The following ADAM22 variants were observed in gnomAD, a reference collection of about 807,000 sequenced individuals.
The protein encoded by ADAM22 is ADAM metallopeptidase domain 22, also known as disintegrin and metalloproteinase domain-containing protein 22.
A neutral mutation model predicts 144.6 loss-of-function variants in ADAM22; 65 were observed. The ratio of observed to expected loss-of-function variants is 0.45; its 90% CI spans 0.37 to 0.55. ADAM22 has a LOEUF of 0.55. ADAM22 is among the 20% of genes least tolerant of loss of function. ADAM22 has a pLI of 0.00. For missense variants in ADAM22, 974 were observed against 1,184.9 expected, an observed-to-expected ratio of 0.82 and a Z score of 2.61; for synonymous variants, 391 against 412.6, an observed-to-expected ratio of 0.95 and a Z score of 0.63.
chr7:88,117,643 G>A, intron 7 of ADAM22, among the ~76,000 whole-genome samples: 1 of 151,668 alleles, frequency 6.6e-6, no homozygotes. Flanking sequence ...AAGATATCTG[G>A]ATATCTGGTA....
intron 17 of ADAM22, among the ~76,000 whole-genome samples, chr7:88,146,930 A>G (rs549254402): frequency 2.7e-4 from 41 of 152,166 alleles, no homozygotes; most frequent in Non-Finnish European, 5.0e-4. Flanking sequence ...ACATTCTTTG[A>G]TTTTGGCTAC....
intron 30 of ADAM22, among the ~76,000 whole-genome samples, chr7:88,187,815 T>C (rs1188573428): frequency 6.6e-6 from 1 of 152,144 alleles, no homozygotes. Flanking sequence ...TTTGAGAAAA[T>C]GATTAGACCT....
chr7:88,195,746 T>G (rs1447405099), intron 31 of ADAM22, among the ~76,000 whole-genome samples: 1 of 152,062 alleles, frequency 6.6e-6, no homozygotes, highest in Non-Finnish European at 1.5e-5. Context: ...CTCGATCTCC[T>G]GACCTCGTGA....
chr7:87,970,283 CT>C (rs995094999), intron 2 of ADAM22, among the ~76,000 whole-genome samples: 2 of 152,036 alleles, frequency 1.3e-5, no homozygotes, highest in Non-Finnish European at 2.9e-5. Context: ...AGATGTTAGA[CT>C]TCCAAGAATT....
intron 3 of ADAM22, among the ~76,000 whole-genome samples, chr7:88,059,925 A>G (rs1054738494): frequency 2.6e-5 from 4 of 152,052 alleles, no homozygotes; most frequent in Admixed American, 6.6e-5. Flanking sequence ...TATATTTACT[A>G]TTTGGTTGAG....
intron 2 of ADAM22, among the ~76,000 whole-genome samples, chr7:87,945,300 A>G (rs901129511): frequency 1.3e-5 from 2 of 152,104 alleles, no homozygotes; most frequent in Admixed American, 1.3e-4. Context: ...TCTTACTGAG[A>G]TGGATAATTT....
chr7:88,116,605 G>T, intron 6 of ADAM22, 140 bp from the exon 7 acceptor site: 1 of 632,798 alleles, frequency 1.6e-6, no homozygotes, highest in East Asian at 2.8e-5. Context: ...GAGGGGTTGG[G>T]CAATGGTTCA....
chr7:88,150,724 T>C (rs1186725952), intron 18 of ADAM22, among the ~76,000 whole-genome samples: 1 of 152,170 alleles, frequency 6.6e-6, no homozygotes, highest in Non-Finnish European at 1.5e-5. Context: ...CTCTGGTAGA[T>C]TCATATTTTC....
intron 3 of ADAM22, among the ~76,000 whole-genome samples, chr7:88,031,936 C>T (rs1429866749): frequency 6.6e-6 from 1 of 152,222 alleles, no homozygotes; most frequent in Admixed American, 6.5e-5. Context: ...TGGTGTTAGG[C>T]CTGTGGGTGC....
chr7:88,152,035 A>G (rs973934641), intron 20 of ADAM22, among the ~76,000 whole-genome samples: 24 of 152,210 alleles, frequency 1.6e-4, no homozygotes, highest in Non-Finnish European at 1.0e-4. Context: ...GAAAAAGGCT[A>G]TAAAAATAAT....
At chr7:87,961,760 A>T (rs1848041151) in intron 2 of ADAM22, among the ~76,000 whole-genome samples, 1 of 152,192 alleles carries the variant, frequency 6.6e-6, no homozygotes. Flanking sequence ...AAATGGGAGA[A>T]ATAGGGCTAA....
chr7:87,984,722 C>T (rs1854521943), intron 3 of ADAM22, among the ~76,000 whole-genome samples: 1 of 151,988 alleles, frequency 6.6e-6, no homozygotes, highest in African/African-American at 2.4e-5. Context: ...GCTCTGTTGC[C>T]CAGTCTGGAG....
intron 3 of ADAM22, among the ~76,000 whole-genome samples, chr7:87,988,522 G>A (rs1411532167): frequency 1.3e-5 from 2 of 152,156 alleles, no homozygotes; most frequent in Non-Finnish European, 2.9e-5. Flanking sequence ...TATTAAGTTA[G>A]TGTTTTATCG....
At chr7:87,935,631 T>G (rs1279446145) in intron 2 of ADAM22, among the ~76,000 whole-genome samples, 1 of 152,238 alleles carries the variant, frequency 6.6e-6, no homozygotes, top group Non-Finnish European at 1.5e-5. Context: ...GGCTAGACGT[T>G]CTTAAGAAAC....
intron 4 of ADAM22, among the ~76,000 whole-genome samples, chr7:88,082,167 C>T: frequency 6.6e-6 from 1 of 152,050 alleles, no homozygotes; most frequent in South Asian, 2.1e-4. Context: ...GAACAGAGCC[C>T]TCAGAAATAA....
intron 3 of ADAM22, among the ~76,000 whole-genome samples, chr7:87,996,838 G>C (rs1406848727): frequency 6.6e-6 from 1 of 152,230 alleles, no homozygotes; most frequent in Non-Finnish European, 1.5e-5. Context: ...GGGCAAGTCA[G>C]TTAACTGCTC....
intron 2 of ADAM22, among the ~76,000 whole-genome samples, chr7:87,947,014 G>A (rs577272006): frequency 2.6e-5 from 4 of 152,104 alleles, no homozygotes; most frequent in Non-Finnish European, 5.9e-5. Flanking sequence ...GATACTCATG[G>A]ACATCAAAAT....
At chr7:88,072,963 C>T (rs901175064) in intron 3 of ADAM22, among the ~76,000 whole-genome samples, 2 of 152,084 alleles carry the variant, frequency 1.3e-5, no homozygotes, top group African/African-American at 2.4e-5. Context: ...GTTATAAGCC[C>T]TTGGAAATTT....
intron 2 of ADAM22, among the ~76,000 whole-genome samples, chr7:87,936,118 G>A (rs1164580935): frequency 2.6e-5 from 4 of 151,652 alleles, no homozygotes; most frequent in Non-Finnish European, 4.4e-5. Context: ...ATATCTTGAT[G>A]ATGTGATAAT....
Sources: gnomAD v4.1 joint callset for allele counts (sites outside exome capture counted in the v4.1 genomes callset) on GRCh38, gnomAD v4.1.1 for gene constraint, MANE v1.5 for transcripts, NCBI Gene and HGNC (gene_info 2026-07-23, HGNC 2026-07-21) for gene names.